The following ZNF609 variants were observed in gnomAD, a reference collection of about 807,000 sequenced individuals.
ZNF609 encodes the protein zinc finger protein 609.
A neutral mutation model predicts 109.5 loss-of-function variants in ZNF609; 11 were observed. That is an observed-to-expected ratio of 0.10 (90% confidence interval 0.06 to 0.17). ZNF609 has a LOEUF of 0.17. Ranked by LOEUF, ZNF609 falls within the 10% of genes least tolerant of loss-of-function variation. The pLI, the probability that ZNF609 is intolerant of heterozygous loss-of-function variation, is 1.00. For missense variants in ZNF609, 1,559 were observed against 1,772.4 expected, an observed-to-expected ratio of 0.88 and a Z score of 2.16; for synonymous variants, 646 against 662.0, an observed-to-expected ratio of 0.98 and a Z score of 0.37.
intron 1 of ZNF609, among the ~76,000 whole-genome samples, chr15:64,468,762 A>G (rs1596374103): frequency 6.6e-6 from 1 of 152,146 alleles, no homozygotes; most frequent in South Asian, 2.1e-4. Flanking sequence ...TAGAATTGAG[A>G]GTCATAAAAC....
chr15:64,680,368 A>C lies in ZNF609; in HGVS notation c.3945+8A>C. 6.2e-7 allele frequency: 1 copy of C among 1,612,904 alleles called. No individual in the cohort carries two copies. Among genetic ancestry groups the C allele is most frequent in the East Asian group, 2.2e-5 (1 of 44,836 alleles). ...AAGAGCAAGTCTCCCACGGTAAGAA[A>C]AGTACAGTGATGCTGGCTGTTACCC... On this transcript the variant is annotated splice_region_variant and intron_variant, in intron 7 of 9. Transcript: ENST00000326648.
At chr15:64,517,979 A>T (rs940471825) in intron 2 of ZNF609, among the ~76,000 whole-genome samples, 1 of 151,808 alleles carries the variant, frequency 6.6e-6, no homozygotes, top group African/African-American at 2.4e-5. Context: ...GGGTTTCACC[A>T]TGTTGCCCAG....
chr15:64,469,977 T>G lies in ZNF609; in HGVS notation c.-128+9139T>G, dbSNP rs183065695. Among the ~76,000 whole-genome samples, 46 of 152,328 alleles carry G rather than the reference T, an allele frequency of 3.0e-4. 1 individual carries two copies. Among genetic ancestry groups the G allele is most frequent in the Middle Eastern group, 6.8e-3 (2 of 294 alleles). ...AATCTGGGAGCTAAATTGGACTGAT[T>G]ATGGAGGTTAGTTGGATATTTTTCC... is the stretch of plus-strand genomic sequence containing the variant. On this transcript the variant is annotated intron_variant, in intron 1 of 9. Coordinates refer to ENST00000326648, the MANE Select transcript of ZNF609 (RefSeq NM_015042.2).
At chr15:64,585,351 T>TC (rs1158006325) in intron 2 of ZNF609, among the ~76,000 whole-genome samples, 5 of 152,018 alleles carry the variant, frequency 3.3e-5, no homozygotes, top group South Asian at 4.1e-4. Context: ...TGAGCTTGAT[T>TC]CACTGTGCCT....
intron 2 of ZNF609, among the ~76,000 whole-genome samples, chr15:64,523,678 G>T (rs915019619): frequency 6.6e-6 from 1 of 151,728 alleles, no homozygotes; most frequent in South Asian, 2.1e-4. Context: ...TGGGAGGATC[G>T]CTTGAACCTG....
intron 2 of ZNF609, among the ~76,000 whole-genome samples, chr15:64,534,514 C>T (rs1014096902): frequency 6.6e-6 from 1 of 151,924 alleles, no homozygotes; most frequent in Non-Finnish European, 1.5e-5. Flanking sequence ...GGGGTTTCAC[C>T]GTGTTGGCCA....
chr15:64,612,285 C>CTACA (rs1895729238), intron 2 of ZNF609, among the ~76,000 whole-genome samples: 2 of 149,668 alleles, frequency 1.3e-5, no homozygotes, highest in Non-Finnish European at 3.0e-5. Flanking sequence ...GTAGCTGGGA[C>CTACA]TACAGGTGCC....
At chr15:64,613,762 G>A (rs562853766) in intron 2 of ZNF609, among the ~76,000 whole-genome samples, 2 of 152,150 alleles carry the variant, frequency 1.3e-5, no homozygotes, top group East Asian at 3.9e-4. Flanking sequence ...ATGTTGGCCA[G>A]GCTGGTCTAA....
intron 1 of ZNF609, among the ~76,000 whole-genome samples, chr15:64,479,045 G>A (rs1420436163): frequency 2.6e-5 from 4 of 152,114 alleles, no homozygotes; most frequent in African/African-American, 9.7e-5. Context: ...TGTGGTTTGT[G>A]TTAGTAGGCC....
chr15:64,639,085 C>T (rs141685081), intron 3 of ZNF609, among the ~76,000 whole-genome samples: 80 of 152,048 alleles, frequency 5.3e-4, no homozygotes, highest in African/African-American at 1.9e-3. Flanking sequence ...CATAGTGAGA[C>T]CCGTCTTTAT....
At chr15:64,510,195 A>AT (rs143141691) in intron 2 of ZNF609, among the ~76,000 whole-genome samples, 14,521 of 129,056 alleles carry the variant, frequency 0.11, 926 homozygotes, top group African/African-American at 0.19. Flanking sequence ...CATTGTTATA[A>AT]TTTTTTTTTC....
intron 3 of ZNF609, 25 bp downstream of exon 3, chr15:64,623,077 C>T: frequency 6.2e-7 from 1 of 1,607,286 alleles, no homozygotes; most frequent in Non-Finnish European, 8.5e-7. Context: ...TGGCTTTCCC[C>T]TCCCTTCTCA....
chr15:64,538,690 G>A (rs969350089), intron 2 of ZNF609, among the ~76,000 whole-genome samples: 7 of 151,990 alleles, frequency 4.6e-5, no homozygotes, highest in African/African-American at 1.4e-4. Context: ...GGGATTACAG[G>A]CATGCACAAT....
At chr15:64,602,357 G>A (rs1204132374) in intron 2 of ZNF609, among the ~76,000 whole-genome samples, 5 of 152,166 alleles carry the variant, frequency 3.3e-5, no homozygotes, top group Admixed American at 6.6e-5. Flanking sequence ...ACCTTGGCTA[G>A]GTTAGTTATC....
At chr15:64,537,432 C>T (rs1250538512) in intron 2 of ZNF609, among the ~76,000 whole-genome samples, 4 of 147,816 alleles carry the variant, frequency 2.7e-5, no homozygotes, top group Non-Finnish European at 4.5e-5. Context: ...ACCCAGGAGG[C>T]GGAGCTTGCG....
At chr15:64,633,560 G>A (rs558589133) in intron 3 of ZNF609, among the ~76,000 whole-genome samples, 121 of 152,256 alleles carry the variant, frequency 7.9e-4, no homozygotes, top group Non-Finnish European at 1.6e-3. Flanking sequence ...GATTACAGGC[G>A]TAAGGCACTG....
chr15:64,497,279 C>A (rs1316709211), intron 1 of ZNF609, among the ~76,000 whole-genome samples: 1 of 152,144 alleles, frequency 6.6e-6, no homozygotes, highest in Admixed American at 6.5e-5. Context: ...TTGCTGTTAA[C>A]ACTAAGATCT....
chr15:64,533,261 G>C (rs1466046873), intron 2 of ZNF609, among the ~76,000 whole-genome samples: 1 of 152,126 alleles, frequency 6.6e-6, no homozygotes, highest in Non-Finnish European at 1.5e-5. Context: ...ATGTTGTCCA[G>C]GCTGGTCTCG....
intron 2 of ZNF609, among the ~76,000 whole-genome samples, chr15:64,585,072 C>G (rs1056370170): frequency 6.6e-6 from 1 of 151,342 alleles, no homozygotes; most frequent in African/African-American, 2.4e-5. Flanking sequence ...TGCCTATAAT[C>G]CCAGCACTTT....
Sources: gnomAD v4.1 joint callset for allele counts (sites outside exome capture counted in the v4.1 genomes callset) on GRCh38, gnomAD v4.1.1 for gene constraint, MANE v1.5 for transcripts, NCBI Gene and HGNC (gene_info 2026-07-23, HGNC 2026-07-21) for gene names.